The following CUX1 variants were observed in gnomAD, a reference collection of about 807,000 sequenced individuals.
CUX1 encodes the protein protein CASP.
CUX1 carries 31 observed loss-of-function variants against 158.8 expected under a neutral mutation model. The observed-to-expected ratio is 0.20, with a 90% CI of 0.15 to 0.26. The LOEUF (loss-of-function observed/expected upper bound fraction) is 0.26. Ranked by LOEUF, CUX1 falls within the 10% of genes least tolerant of loss-of-function variation. The pLI is 1.00. For missense variants in CUX1, 1,589 were observed against 2,014.6 expected (o/e 0.79, Z 4.04); for synonymous variants, 879 against 862.1 (o/e 1.02, Z -0.34).
Position 102,256,428 on chromosome 7 carries a change from A to G in CUX1, c.*7386A>G, listed in dbSNP as rs1208524744. 1 of 985,008 alleles carries G rather than the reference A, an allele frequency of 1.0e-6. No homozygotes were observed. Among genetic ancestry groups the G allele is most frequent in the African/African-American group, 1.8e-5 (1 of 57,124 alleles). The allele number at this position is 985,008 out of a possible 1,614,324, so 61.0% of individuals were successfully genotyped here. A position where few individuals can be genotyped will look rare whatever the true frequency, so the allele number is the denominator to read the frequency against. On this transcript the variant is annotated 3_prime_UTR_variant, in exon 24 of 24. Transcript: ENST00000292535. ...GTTGTCATAAATGCTTTTTGCTGTC[A>G]CTCTAGTGGTTACTATCCTCTGCCT...
At chr7:102,223,474 G>A (rs1303513480) in intron 20 of CUX1, among the ~76,000 whole-genome samples, 3 of 152,072 alleles carry the variant, frequency 2.0e-5, no homozygotes, top group Non-Finnish European at 4.4e-5. Flanking sequence ...TGGCGAGGGT[G>A]AGGGGACCCT....
intron 17 of CUX1, among the ~76,000 whole-genome samples, 174 bp downstream of exon 17, chr7:102,200,346 G>GTTACCTT (rs1241456510): frequency 2.0e-5 from 3 of 152,206 alleles, no homozygotes; most frequent in Non-Finnish European, 4.4e-5. Context: ...TTGCCTAATA[G>GTTACCTT]TTACCTTTTT....
chr7:102,282,993 C>T (rs886960532), intron 22 of CUX1: 2 of 1,598,936 alleles, frequency 1.3e-6, no homozygotes, highest in Admixed American at 1.7e-5. Flanking sequence ...ACACACTCGG[C>T]CTCAGCAAAG....
At chr7:102,142,498 A>T (rs1554500656) in intron 8 of CUX1, among the ~76,000 whole-genome samples, 1 of 152,112 alleles carries the variant, frequency 6.6e-6, no homozygotes, top group East Asian at 1.9e-4. Context: ...GGTAGTTCAC[A>T]CCTGTAAGCC....
At chr7:102,227,273 G>A in intron 20 of CUX1, 94 bp from the exon 21 acceptor site, 5 of 1,093,954 alleles carry the variant, frequency 4.6e-6, no homozygotes, top group Middle Eastern at 2.5e-4. Flanking sequence ...CTCCTACAGA[G>A]CGTTTAATTA....
chr7:102,263,955 G>T (rs1554544549), intron 14 of CUX1, among the ~76,000 whole-genome samples: 3 of 149,060 alleles, frequency 2.0e-5, no homozygotes. Context: ...GCCTCCCAAA[G>T]TGCTGGGATT....
At chr7:102,172,030 G>A (rs1051789228) in intron 10 of CUX1, among the ~76,000 whole-genome samples, 8 of 152,190 alleles carry the variant, frequency 5.3e-5, no homozygotes, top group African/African-American at 1.9e-4. Context: ...ACTTGCTCTT[G>A]TAATAAATTC....
intron 14 of CUX1, among the ~76,000 whole-genome samples, chr7:102,270,478 C>T (rs892076644): frequency 3.9e-5 from 6 of 152,206 alleles, no homozygotes; most frequent in Non-Finnish European, 8.8e-5. Context: ...GCCTCCAGTT[C>T]TCTGTCCACC....
chr7:101,895,908 G>GTTTTTT (rs869038068), intron 1 of CUX1, among the ~76,000 whole-genome samples: 15 of 93,976 alleles, frequency 1.6e-4, no homozygotes, highest in Non-Finnish European at 2.2e-4. Flanking sequence ...TTTTGTTTTT[G>GTTTTTT]TTTTTTTTTT....
At chr7:102,177,413 CA>C (rs1219318950) in intron 10 of CUX1, among the ~76,000 whole-genome samples, 5,956 of 105,982 alleles carry the variant, frequency 0.056, 364 homozygotes, top group African/African-American at 0.17. Context: ...AACTCTATCT[CA>C]AAAAAAAAAA....
At chr7:101,904,031 A>G (rs1021773955) in intron 1 of CUX1, among the ~76,000 whole-genome samples, 8 of 151,948 alleles carry the variant, frequency 5.3e-5, no homozygotes, top group African/African-American at 1.9e-4. Flanking sequence ...GGTCACTCGC[A>G]CCTGTAATGG....
chr7:102,173,847 G>A (rs1554511076), intron 10 of CUX1, among the ~76,000 whole-genome samples: 1 of 152,144 alleles, frequency 6.6e-6, no homozygotes, highest in Non-Finnish European at 1.5e-5. Flanking sequence ...GCCCCGTGGG[G>A]CTCCCCGCGG....
chr7:102,253,181 C>T lies in CUX1; in HGVS notation c.*4139C>T. Reference sequence around the variant, plus strand: ...TCCTGTCTGATGTGGACGTTCAGGTCTGCTGGTTGGCGGTCCGGGCCCAGA... The same window carrying T: ...TCCTGTCTGATGTGGACGTTCAGGTTTGCTGGTTGGCGGTCCGGGCCCAGA... On this transcript the variant is annotated 3_prime_UTR_variant, in exon 24 of 24. Transcript: ENST00000292535. 2.0e-6 allele frequency: 2 copies of T among 985,522 alleles called. No individual in the cohort carries two copies. Among genetic ancestry groups the T allele is most frequent in the Non-Finnish European group, 2.4e-6 (2 of 829,986 alleles). 61.0% of individuals were successfully genotyped at this position (985,522 alleles called of 1,614,324 possible). A position where few individuals can be genotyped will look rare whatever the true frequency, so the allele number is the denominator to read the frequency against.
At chr7:102,229,592 A>G (rs1798741208) in intron 21 of CUX1, among the ~76,000 whole-genome samples, 1 of 143,678 alleles carries the variant, frequency 7.0e-6, no homozygotes, top group African/African-American at 2.6e-5. Flanking sequence ...GATTACAGGC[A>G]TGAGCCACCG....
chr7:102,020,241 A>G (rs948589658), intron 2 of CUX1, among the ~76,000 whole-genome samples: 1 of 152,248 alleles, frequency 6.6e-6, no homozygotes, highest in African/African-American at 2.4e-5. Flanking sequence ...AAGGACTGGA[A>G]GGAATATGTG....
intron 2 of CUX1, among the ~76,000 whole-genome samples, chr7:101,956,327 C>T (rs1809783352): frequency 6.6e-6 from 1 of 152,020 alleles, no homozygotes; most frequent in Non-Finnish European, 1.5e-5. Context: ...ATTTCTGTGC[C>T]GAGATCGGCC....
intron 10 of CUX1, among the ~76,000 whole-genome samples, chr7:102,173,353 T>TCAAAA (rs1298293773): frequency 3.3e-5 from 5 of 152,258 alleles, no homozygotes; most frequent in African/African-American, 1.2e-4. Flanking sequence ...AGACTCCATC[T>TCAAAA]CAAAACAAAA....
intron 9 of CUX1, among the ~76,000 whole-genome samples, chr7:102,162,649 A>G (rs986537922): frequency 2.0e-5 from 3 of 152,010 alleles, no homozygotes; most frequent in African/African-American, 4.8e-5. Flanking sequence ...CAAAGTGCTG[A>G]GATTACAGGC....
At chr7:102,231,381 C>T (rs1325430313) in intron 21 of CUX1, among the ~76,000 whole-genome samples, 2 of 151,316 alleles carry the variant, frequency 1.3e-5, no homozygotes, top group African/African-American at 2.4e-5. Context: ...CCAGGCTGGT[C>T]TCAAAACTCC....
Sources: allele counts gnomAD v4.1 joint callset (sites outside exome capture counted in the v4.1 genomes callset), GRCh38; gene constraint gnomAD v4.1.1; transcripts MANE v1.5; gene names NCBI Gene and HGNC (gene_info 2026-07-23, HGNC 2026-07-21).